The following ULK4 variants were observed in gnomAD, a reference collection of about 807,000 sequenced individuals.
ULK4 encodes the protein unc-51 like kinase 4, also known as inactive serine/threonine-protein kinase ULK4.
A neutral mutation model predicts 160.6 loss-of-function variants in ULK4; 133 were observed. The observed-to-expected ratio is 0.83, with a 90% CI of 0.72 to 0.96. ULK4 has a LOEUF of 0.96. Ranked by LOEUF, ULK4 falls within the 40% of genes least tolerant of loss-of-function variation. The probability of loss-of-function intolerance (pLI) is 0.00; values close to 1 mark genes in which losing one functional copy is unlikely to be tolerated. For missense variants in ULK4, 1,580 were observed against 1,499.5 expected (o/e 1.05, Z -0.89); for synonymous variants, 534 against 539.8 (o/e 0.99, Z 0.15).
chr3:41,647,066 G>C (rs1413584916), intron 30 of ULK4, among the ~76,000 whole-genome samples: 2 of 152,126 alleles, frequency 1.3e-5, no homozygotes, highest in Admixed American at 6.5e-5. Context: ...GCACTTCTCT[G>C]TATTGGTTAT....
rs538624374 is a variant in ULK4 at position 41,582,060 on chromosome 3, T to A, written c.3121-15930A>T. On this transcript the variant is annotated intron_variant, in intron 31 of 36. Coordinates refer to ENST00000301831, the MANE Select transcript of ULK4 (RefSeq NM_017886.4). ...ACCCAAATCTCATCTTGAATTGTAG[T>A]GCCCATAATTCCCACGTGTTTTGGG... 2.6e-5 allele frequency among the ~76,000 whole-genome samples: 4 copies of A among 152,282 alleles called. No individual in the cohort carries two copies. The South Asian group carries it at 8.3e-4, about 32-fold the overall frequency.
chr3:41,749,307 A>AC (rs983163856), intron 22 of ULK4, among the ~76,000 whole-genome samples: 7 of 151,908 alleles, frequency 4.6e-5, no homozygotes, highest in African/African-American at 1.7e-4. Context: ...ACGTGGTGAA[A>AC]CCCCGTCCCT....
chr3:41,904,637 A>G (rs1458463225), intron 12 of ULK4, among the ~76,000 whole-genome samples: 1 of 152,200 alleles, frequency 6.6e-6, no homozygotes, highest in Non-Finnish European at 1.5e-5. Flanking sequence ...CCAAAAAATT[A>G]GCACAGTGAG....
chr3:41,642,093 C>T (rs1034788119), intron 30 of ULK4, among the ~76,000 whole-genome samples: 1 of 149,414 alleles, frequency 6.7e-6, no homozygotes, highest in Non-Finnish European at 1.5e-5. Flanking sequence ...AGGCTGGTCT[C>T]GAACCCCTGA....
intron 18 of ULK4, among the ~76,000 whole-genome samples, chr3:41,832,006 AC>A (rs577018271): frequency 0.01 from 1,547 of 152,292 alleles, 19 homozygotes; most frequent in Non-Finnish European, 0.013. Flanking sequence ...GCTGCAATAA[AC>A]ATACATGTGC....
At position 41,663,660 on chromosome 3, in the gene ULK4, T is replaced by A. The variant is rs980572897; in HGVS notation, c.3018A>T (p.Ala1006=). Residue 1006 remains alanine (A), a synonymous_variant, in exon 30 of 37, where the codon GCA becomes GCT. Coordinates refer to ENST00000301831, the MANE Select transcript of ULK4 (RefSeq NM_017886.4). ...TCGCGACTAGCAGTTTCAGAGCATA[T>A]GCTGGTACTGGGTCAGGTTCTAAAA... ...HILLEPDPVP[A]YALKLLVAMT... 6.2e-7 allele frequency: 1 copy of A among 1,613,912 alleles called. No individual in the cohort carries two copies.
At chr3:41,302,767 A>G (rs1197910932) in intron 35 of ULK4, among the ~76,000 whole-genome samples, 2 of 152,216 alleles carry the variant, frequency 1.3e-5, no homozygotes, top group African/African-American at 4.8e-5. Context: ...AAAATCCACA[A>G]TGAATGTCTG....
chr3:41,279,759 TGAGA>T (rs1460447887), intron 35 of ULK4, among the ~76,000 whole-genome samples: 1 of 152,192 alleles, frequency 6.6e-6, no homozygotes, highest in African/African-American at 2.4e-5. Context: ...AAACAAATGC[TGAGA>T]GATTTTGTCA....
intron 35 of ULK4, among the ~76,000 whole-genome samples, chr3:41,324,167 T>C (rs1051880862): frequency 2.6e-5 from 4 of 152,220 alleles, no homozygotes; most frequent in African/African-American, 9.6e-5. Context: ...GACTCTGGTG[T>C]GCCCAGCTTG....
At chr3:41,304,737 C>T (rs1449584481) in intron 35 of ULK4, among the ~76,000 whole-genome samples, 1 of 152,214 alleles carries the variant, frequency 6.6e-6, no homozygotes, top group African/African-American at 2.4e-5. Flanking sequence ...CCTGTTTCTG[C>T]TTCATAATGC....
rs796554386 is a variant in ULK4 at position 41,741,371 on chromosome 3, C to T, written c.2321+12990G>A. On this transcript the variant is annotated intron_variant, in intron 22 of 36. Coordinates refer to ENST00000301831, the MANE Select transcript of ULK4 (RefSeq NM_017886.4). The stretch of plus-strand genomic sequence containing the variant: ...ACTTCATAATTAATATATAACTCTG[C>T]TCTTGCCTTTTTTCACTTATCTATA... Among the ~76,000 whole-genome samples, 131 of 151,932 alleles carry T rather than the reference C, an allele frequency of 8.6e-4. 3 individuals are homozygous for T. Among genetic ancestry groups the T allele is most frequent in the African/African-American group, 3.1e-3 (129 of 41,268 alleles).
intron 30 of ULK4, among the ~76,000 whole-genome samples, chr3:41,631,703 T>C (rs935219072): frequency 2.0e-5 from 3 of 151,944 alleles, no homozygotes; most frequent in Non-Finnish European, 4.4e-5. Flanking sequence ...TTGAACAAAA[T>C]AAGGCCATGG....
chr3:41,947,747 AG>A (rs1700155401), intron 2 of ULK4, among the ~76,000 whole-genome samples: 1 of 152,232 alleles, frequency 6.6e-6, no homozygotes, highest in African/African-American at 2.4e-5. Flanking sequence ...CCTAAAAAGC[AG>A]GGACTTGGAC....
At chr3:41,380,150 T>C (rs2081615225) in intron 35 of ULK4, among the ~76,000 whole-genome samples, 1 of 152,166 alleles carries the variant, frequency 6.6e-6, no homozygotes, top group South Asian at 2.1e-4. Context: ...CAAAACTAGA[T>C]GATTAACAGC....
At position 41,495,113 on chromosome 3, in the gene ULK4, G is replaced by A. The variant is rs1402734502; in HGVS notation, c.3227-31860C>T. On this transcript the variant is annotated intron_variant, in intron 32 of 36. Transcript: ENST00000301831. ...TTCATATGGAACCAAAAAAGAGCCT[G>A]CATCACCAAGTCAATGCTAAGCCAA... is the stretch of plus-strand genomic sequence containing the variant. Among the ~76,000 whole-genome samples, 5 of 152,274 alleles carry A rather than the reference G, an allele frequency of 3.3e-5. No homozygotes were observed. The East Asian group carries it at 9.6e-4, about 29-fold the overall frequency.
At chr3:41,692,503 A>G (rs979007724) in intron 27 of ULK4, among the ~76,000 whole-genome samples, 11 of 151,804 alleles carry the variant, frequency 7.2e-5, no homozygotes, top group Non-Finnish European at 1.5e-4. Context: ...CATATACGTT[A>G]TATATTTATA....
Position 41,681,606 on chromosome 3 carries a change from A to C in ULK4, c.2880T>G (p.Ser960=), listed in dbSNP as rs773542412. The change falls in exon 29 of 37, where the codon TCT becomes TCG. Residue 960 remains serine, a synonymous_variant. Transcript: ENST00000301831. The stretch of plus-strand genomic sequence containing the variant: ...CCCCAAACTCCTGGTTCACGAGTAG[A>C]GATGTGGTTTCTGAGAGCAACCGCA... The part of the protein sequence containing the change: ...FSLRLLSETT[S]LLVNQEFGDG... 6.2e-7 allele frequency: 1 copy of C among 1,614,028 alleles called. No homozygotes were observed. The highest frequency in any genetic ancestry group is 8.5e-7 in the Non-Finnish European group (1 of 1,179,980).
At chr3:41,548,836 A>T (rs2086962016) in intron 32 of ULK4, among the ~76,000 whole-genome samples, 1 of 152,154 alleles carries the variant, frequency 6.6e-6, no homozygotes, top group Non-Finnish European at 1.5e-5. Flanking sequence ...GGCCTGAGGA[A>T]CAGCCTGGGT....
chr3:41,903,011 C>G (rs947695266), intron 12 of ULK4, among the ~76,000 whole-genome samples: 1 of 152,020 alleles, frequency 6.6e-6, no homozygotes, highest in African/African-American at 2.4e-5. Context: ...CAATGGAGAA[C>G]TGAGGGGACC....
Sources: gnomAD v4.1 joint callset for allele counts (sites outside exome capture counted in the v4.1 genomes callset) on GRCh38, gnomAD v4.1.1 for gene constraint, MANE v1.5 for transcripts, NCBI Gene and HGNC (gene_info 2026-07-23, HGNC 2026-07-21) for gene names.